ZBED5: variants seen among roughly 807,000 people sequenced by gnomAD.
ZBED5 encodes zinc finger BED domain-containing protein 5.
In ZBED5, 29 loss-of-function variants were observed where a neutral mutation model predicts 49.2. That is an observed-to-expected ratio of 0.59 (90% CI 0.44 to 0.80). The LOEUF (loss-of-function observed/expected upper bound fraction) is 0.80, where lower values mean the gene tolerates loss of function less well. Among genes scored for constraint, ZBED5 ranks in the 30% least tolerant of loss-of-function variants. The pLI is 0.00. For missense variants in ZBED5, 775 were observed against 812.9 expected, an observed-to-expected ratio of 0.95 and a Z score of 0.57; for synonymous variants, 281 against 292.5, an observed-to-expected ratio of 0.96 and a Z score of 0.40.
Position 10,854,163 on chromosome 11 carries a change from T to C in ZBED5, c.783A>G (p.Glu261=), listed in dbSNP as rs1184446887. 5 of 1,550,998 alleles carry C rather than the reference T, an allele frequency of 3.2e-6. No homozygotes were observed. Among genetic ancestry groups the C allele is most frequent in the Non-Finnish European group, 4.4e-6 (5 of 1,146,598 alleles). The stretch of plus-strand genomic sequence containing the variant: ...AAATTTTCAGTCTACAAACAAGCTC[T>C]TCTTCAATGTCAGCAGCTAGATCCT... ...RIKDLAADIE[E]ELVCRLKICD... Residue 261 remains glutamate (E), a synonymous_variant, in exon 3 of 3, where the codon GAA becomes GAG. Transcript: ENST00000413761. This position sits in a 1 kb window ranked among gnomAD's most constrained non-coding sequence, Gnocchi z 5.0.
rs568823201 is a variant in ZBED5, at chr11:10,854,739, T to C, written c.207A>G (p.Gln69=). ...AAGGTTGCAACTGCTTATCTTCACT[T>C]TGTAATATTCCAACCTTCTGATCAT... The part of the protein sequence containing the change: ...ESNDQKVGIL[Q]SEDKQLQPSV... The change falls in exon 3 of 3, where the codon CAA becomes CAG. Residue 69 remains glutamine (Q), a synonymous_variant. Transcript: ENST00000413761. This position sits in a 1 kb window ranked among gnomAD's most constrained non-coding sequence, Gnocchi z 5.0. The C allele has an allele frequency of 1.9e-6, 3 of 1,551,816 alleles. No individual in the cohort carries two copies. The highest frequency in any genetic ancestry group is 4.9e-5 in the East Asian group (2 of 40,900).
At position 10,853,800 on chromosome 11, in the gene ZBED5, T is replaced by C; in HGVS notation, c.1146A>G (p.Lys382=). ...CATTTTTTAGAGATGTAGGCATTAT[T>C]TTAACTGCCAGTGCATGTCTGTATA... The part of the protein sequence containing the change: ...CLLYRHALAV[K]IMPTSLKNVL... The change falls in exon 3 of 3, where the codon AAA becomes AAG. Residue 382 remains lysine, a synonymous_variant. Coordinates refer to ENST00000413761, the MANE Select transcript of ZBED5 (RefSeq NM_001143667.2). The surrounding 1 kb of genome is among the most constrained non-coding windows in gnomAD (Gnocchi z 5.4). 6.4e-7 allele frequency: 1 copy of C among 1,551,634 alleles called. No homozygotes were observed. Among genetic ancestry groups the C allele is most frequent in the Non-Finnish European group, 8.7e-7 (1 of 1,146,946 alleles).
At position 10,854,414 on chromosome 11, in the gene ZBED5, T is replaced by TTTA. The variant is rs1848151667; in HGVS notation, c.531_532insTAA (p.Asn177_Asn178insTer). ...ACAATTTTAGGTGTTGGGGGTTTAT[T>TTTA]ATTTTCAGGTGAATCGAGATGTTGC... On this transcript the variant is annotated stop_gained and inframe_insertion, in exon 3 of 3. Transcript: ENST00000413761. LOFTEE classifies it high-confidence loss of function. The surrounding 1 kb of genome is among the most constrained non-coding windows in gnomAD (Gnocchi z 5.0). The TTTA allele has an allele frequency of 6.4e-7, 1 of 1,551,370 alleles. No homozygotes were observed. Among genetic ancestry groups the TTTA allele is most frequent in the Non-Finnish European group, 8.7e-7 (1 of 1,146,914 alleles).
chr11:10,853,610 CAA>C lies in ZBED5; in HGVS notation c.1334_1335del (p.Phe445Ter). 4 of 1,551,312 alleles carry C rather than the reference CAA, an allele frequency of 2.6e-6. No individual in the cohort carries two copies. The highest frequency in any genetic ancestry group is 3.5e-6 in the Non-Finnish European group (4 of 1,146,860). On this transcript the variant is annotated frameshift_variant, in exon 3 of 3. Transcript: ENST00000413761. LOFTEE classifies it high-confidence loss of function. This position sits in a 1 kb window ranked among gnomAD's most constrained non-coding sequence, Gnocchi z 5.4. ...AAAACCAAAAGTTCACGACGAAGTT[CAA>C]AAAGTCTTACAAGAACTTTACCTCG... ...LSRGKVLVRLFELRRELLVFM... is the reference protein window; with the variant it reads ...LSRGKVLVRLXELRRELLVFM...
In ZBED5 at chr11:10,853,554, ACAAT is replaced by A. The variant is rs776744545; in HGVS notation, c.1388_1391del (p.Asp463ValfsTer2). 7.7e-6 allele frequency: 12 copies of A among 1,548,998 alleles called. No homozygotes were observed. Among genetic ancestry groups the A allele is most frequent in the South Asian group, 2.4e-5 (2 of 83,784 alleles). On this transcript the variant is annotated frameshift_variant, in exon 3 of 3. Coordinates refer to ENST00000413761, the MANE Select transcript of ZBED5 (RefSeq NM_001143667.2). LOFTEE classifies it high-confidence loss of function. The surrounding 1 kb of genome is among the most constrained non-coding windows in gnomAD (Gnocchi z 5.4). ...TTAGCAGCCAAGATGAATTTGTTAA[ACAAT>A]CAGATAGTCGAAAAGCAGAATCCAT...
In ZBED5 at chr11:10,854,740, T is replaced by C. The variant is rs537706115; in HGVS notation, c.206A>G (p.Gln69Arg). 5.2e-6 allele frequency: 8 copies of C among 1,551,820 alleles called. No homozygotes were observed. The highest frequency in any genetic ancestry group is 5.2e-6 in the Non-Finnish European group (6 of 1,146,972). Residue 69 changes from glutamine to arginine, a missense_variant, in exon 3 of 3, where the codon CAA becomes CGA. By Grantham distance (43) the Gln-to-Arg change is conservative. Coordinates refer to ENST00000413761, the MANE Select transcript of ZBED5 (RefSeq NM_001143667.2). This position sits in a 1 kb window ranked among gnomAD's most constrained non-coding sequence, Gnocchi z 5.0. ...ESNDQKVGIL[Q>R]SEDKQLQPSV... ...AGGTTGCAACTGCTTATCTTCACTTTGTAATATTCCAACCTTCTGATCATT... is the reference window on the plus strand; with the variant it reads ...AGGTTGCAACTGCTTATCTTCACTTCGTAATATTCCAACCTTCTGATCATT...
At position 10,857,701 on chromosome 11, in the gene ZBED5, T is replaced by C. The variant is rs967408282; in HGVS notation, c.-256+161A>G. 6.6e-6 allele frequency: 1 copy of C among 152,320 alleles called. No homozygotes were observed. The highest frequency in any genetic ancestry group is 2.4e-5 in the African/African-American group (1 of 41,454). 9.4% of individuals were successfully genotyped at this position (152,320 alleles called of 1,614,324 possible). On this transcript the variant is annotated intron_variant, in intron 1 of 2. Transcript: ENST00000413761. This position sits in a 1 kb window ranked among gnomAD's most constrained non-coding sequence, Gnocchi z 6.3. ...TCAGCACCCAACACCATCTCTCTAT[T>C]TCATCTCCATCAGCGATGGAGAGAA...
chr11:10,853,505 A>G lies in ZBED5; in HGVS notation c.1441T>C (p.Phe481Leu), dbSNP rs1848130635. 6.4e-7 allele frequency: 1 copy of G among 1,550,928 alleles called. No individual in the cohort carries two copies. The highest frequency in any genetic ancestry group is 2.4e-5 in the East Asian group (1 of 40,916). The change falls in exon 3 of 3, where the codon TTT becomes CTT. Residue 481 changes from phenylalanine (F) to leucine (L), a missense_variant. Coordinates refer to ENST00000413761, the MANE Select transcript of ZBED5 (RefSeq NM_001143667.2). This position sits in a 1 kb window ranked among gnomAD's most constrained non-coding sequence, Gnocchi z 5.4. ...LLRLAYLADIFTKLNEVNLSM... is the reference protein window; with the variant it reads ...LLRLAYLADILTKLNEVNLSM... Reference sequence around the variant, plus strand: ...AAATTAACTTCATTTAATTTAGTAAAAATATCTGCAAGATATGCAAGTCTT... The same window carrying G: ...AAATTAACTTCATTTAATTTAGTAAGAATATCTGCAAGATATGCAAGTCTT...
At position 10,853,458 on chromosome 11, in the gene ZBED5, C is replaced by A; in HGVS notation, c.1488G>T (p.Val496=). ...EVNLSMQGKN[V]TVFTVFDKMS... ...TTTTATCAAATACTGTAAAAACGGTCACATTTTTTCCTTGCATTGACAAAT... is the reference window on the plus strand; with the variant it reads ...TTTTATCAAATACTGTAAAAACGGTAACATTTTTTCCTTGCATTGACAAAT... Residue 496 remains valine, a synonymous_variant, in exon 3 of 3, where the codon GTG becomes GTT. Transcript: ENST00000413761. This position sits in a 1 kb window ranked among gnomAD's most constrained non-coding sequence, Gnocchi z 5.4. 1.3e-6 allele frequency: 2 copies of A among 1,550,538 alleles called. No homozygotes were observed. Among genetic ancestry groups the A allele is most frequent in the South Asian group, 2.4e-5 (2 of 83,798 alleles).
chr11:10,853,110 T>G lies in ZBED5; in HGVS notation c.1836A>C (p.Ser612=). Reference sequence around the variant, plus strand: ...TTAGGCTACTCCAAAAATCATTTAGTGAAAGTTCACTAAAATTTTGCTTCA... The same window carrying G: ...TTAGGCTACTCCAAAAATCATTTAGGGAAAGTTCACTAAAATTTTGCTTCA... ...SQVKQNFSEL[S]LNDFWSSLIQ... Residue 612 remains serine, a synonymous_variant, in exon 3 of 3, where the codon TCA becomes TCC. Transcript: ENST00000413761. The surrounding 1 kb of genome is among the most constrained non-coding windows in gnomAD (Gnocchi z 5.4). 18 of 1,551,666 alleles carry G rather than the reference T, an allele frequency of 1.2e-5. No homozygotes were observed. The highest frequency in any genetic ancestry group is 1.5e-5 in the Non-Finnish European group (17 of 1,146,956).
chr11:10,854,473 G>C lies in ZBED5; in HGVS notation c.473C>G (p.Ala158Gly). 1 of 1,551,380 alleles carries C rather than the reference G, an allele frequency of 6.4e-7. No homozygotes were observed. Among genetic ancestry groups the C allele is most frequent in the Non-Finnish European group, 8.7e-7 (1 of 1,146,896 alleles). The change falls in exon 3 of 3, where the codon GCT (alanine) becomes GGT (glycine). Residue 158 changes from alanine to glycine, a missense_variant. Coordinates refer to ENST00000413761, the MANE Select transcript of ZBED5 (RefSeq NM_001143667.2). The surrounding 1 kb of genome is among the most constrained non-coding windows in gnomAD (Gnocchi z 5.0). ...KLRRHLETKH[A>G]AYKDKDISFF... ...GCTTATGTCTTTGTCTTTATATGCA[G>C]CATGTTTAGTTTCCAAATGTCTTCG...
rs1478094674 is a variant in ZBED5 at position 10,852,776 on chromosome 11, A to T, written c.*88T>A. The T allele has an allele frequency of 7.1e-7, 1 of 1,410,130 alleles. No homozygotes were observed. The highest frequency in any genetic ancestry group is 9.3e-7 in the Non-Finnish European group (1 of 1,079,702). The allele number at this position is 1,410,130 out of a possible 1,614,324, so 87.4% of individuals were successfully genotyped here. A position where few individuals can be genotyped will look rare whatever the true frequency, so the allele number is the denominator to read the frequency against. On this transcript the variant is annotated 3_prime_UTR_variant, in exon 3 of 3. Coordinates refer to ENST00000413761, the MANE Select transcript of ZBED5 (RefSeq NM_001143667.2). ...ATAAAAAAATGGAATCATTTTATTTAAATCCCCCAAATACCAGAGATGAAG... is the reference window on the plus strand; with the variant it reads ...ATAAAAAAATGGAATCATTTTATTTTAATCCCCCAAATACCAGAGATGAAG...
At position 10,853,849 on chromosome 11, in the gene ZBED5, T is replaced by C; in HGVS notation, c.1097A>G (p.Glu366Gly). 1.3e-6 allele frequency: 2 copies of C among 1,551,676 alleles called. No homozygotes were observed. The highest frequency in any genetic ancestry group is 2.0e-5 in the Admixed American group (1 of 51,006). Reference sequence around the variant, plus strand: ...TAATAGGCAGTGACTACTGGTGCTTTCGGGAGCCACATATTTTATTAAGGT... The same window carrying C: ...TAATAGGCAGTGACTACTGGTGCTTCCGGGAGCCACATATTTTATTAAGGT... ...AVTLIKYVAPESTSSHCLLYR... is the reference protein window; with the variant it reads ...AVTLIKYVAPGSTSSHCLLYR... Residue 366 changes from glutamate (E) to glycine (G), a missense_variant, in exon 3 of 3, where the codon GAA (glutamate) becomes GGA (glycine). Physicochemically the swap from Glu to Gly is moderately conservative, Grantham distance 98. Transcript: ENST00000413761. The surrounding 1 kb of genome is among the most constrained non-coding windows in gnomAD (Gnocchi z 5.4).
In ZBED5 at chr11:10,852,729, G is replaced by T; in HGVS notation, c.*135C>A. ...TATGTTTAAAACGTTTGATTCTTTAGCCTTCTTAAAATCTAAATAGTATAA... is the reference window on the plus strand; with the variant it reads ...TATGTTTAAAACGTTTGATTCTTTATCCTTCTTAAAATCTAAATAGTATAA... On this transcript the variant is annotated 3_prime_UTR_variant, in exon 3 of 3. Coordinates refer to ENST00000413761, the MANE Select transcript of ZBED5 (RefSeq NM_001143667.2). The T allele has an allele frequency of 7.5e-7, 1 of 1,334,170 alleles. No homozygotes were observed. The highest frequency in any genetic ancestry group is 9.8e-7 in the Non-Finnish European group (1 of 1,018,936). 82.6% of individuals were successfully genotyped at this position (1,334,170 alleles called of 1,614,324 possible).
rs1217982018 is a variant in ZBED5, at chr11:10,855,321, G to A, written c.-141-235C>T. 6.6e-6 allele frequency among the ~76,000 whole-genome samples: 1 copy of A among 152,044 alleles called. No individual in the cohort carries two copies. The highest frequency in any genetic ancestry group is 2.4e-5 in the African/African-American group (1 of 41,408). ...TTGTTATACATATTTTTAAGAAAGGGACCCTGAAGAATATGTCCCATGGCA... is the reference window on the plus strand; with the variant it reads ...TTGTTATACATATTTTTAAGAAAGGAACCCTGAAGAATATGTCCCATGGCA... On this transcript the variant is annotated intron_variant, in intron 2 of 2. Coordinates refer to ENST00000413761, the MANE Select transcript of ZBED5 (RefSeq NM_001143667.2). This position sits in a 1 kb window ranked among gnomAD's most constrained non-coding sequence, Gnocchi z 4.1.
rs1848191176 is a variant in ZBED5 at position 10,857,027 on chromosome 11, C to T, written c.-255-770G>A. ...CTGCCAGAAAGTCGAGGGTCTCATACTAGCAACAGCATAAAGCCCTGCTTC... is the reference window on the plus strand; with the variant it reads ...CTGCCAGAAAGTCGAGGGTCTCATATTAGCAACAGCATAAAGCCCTGCTTC... On this transcript the variant is annotated intron_variant, in intron 1 of 2. Coordinates refer to ENST00000413761, the MANE Select transcript of ZBED5 (RefSeq NM_001143667.2). The surrounding 1 kb of genome is among the most constrained non-coding windows in gnomAD (Gnocchi z 6.3). Among the ~76,000 whole-genome samples, 1 of 152,206 alleles carries T rather than the reference C, an allele frequency of 6.6e-6. No homozygotes were observed. The highest frequency in any genetic ancestry group is 2.4e-5 in the African/African-American group (1 of 41,450).
chr11:10,852,962 G>C lies in ZBED5; in HGVS notation c.1984C>G (p.Leu662Val). 1 of 1,551,606 alleles carries C rather than the reference G, an allele frequency of 6.4e-7. No individual in the cohort carries two copies. Among genetic ancestry groups the C allele is most frequent in the Non-Finnish European group, 8.7e-7 (1 of 1,146,950 alleles). ...ATTCGCATATGAGGTGCAGCATCAA[G>C]TCTTTTCCTATATTTTGTTTTTGTT... ...AATKTKYRKR[L>V]DAAPHMRIRL... The change falls in exon 3 of 3, where the codon CTT (leucine) becomes GTT (valine). Residue 662 changes from leucine (L) to valine (V), a missense_variant. Transcript: ENST00000413761.
chr11:10,854,606 A>T lies in ZBED5; in HGVS notation c.340T>A (p.Tyr114Asn). The T allele has an allele frequency of 6.4e-7, 1 of 1,551,062 alleles. No homozygotes were observed. Among genetic ancestry groups the T allele is most frequent in the South Asian group, 1.2e-5 (1 of 84,020 alleles). Reference sequence around the variant, plus strand: ...AAGTAAGTAAATCCAAAAGACAAATAACTTTCATCATATTTTCTTCTTTTT... The same window carrying T: ...AAGTAAGTAAATCCAAAAGACAAATTACTTTCATCATATTTTCTTCTTTTT... ...KPKRRKYDES[Y>N]LSFGFTYFGN... Residue 114 changes from tyrosine (Y) to asparagine (N), a missense_variant, in exon 3 of 3, where the codon TAT becomes AAT. Physicochemically the swap from Tyr to Asn is moderately radical, Grantham distance 143 (BLOSUM62 -2). Coordinates refer to ENST00000413761, the MANE Select transcript of ZBED5 (RefSeq NM_001143667.2). This position sits in a 1 kb window ranked among gnomAD's most constrained non-coding sequence, Gnocchi z 5.0.
In ZBED5 at chr11:10,857,513, C is replaced by G. The variant is rs1848199640; in HGVS notation, c.-256+349G>C. ...TTTTTTAAACGGTCACCTGGATGTG[C>G]AGCCAGGGCCAACTATCCCTCAGCT... On this transcript the variant is annotated intron_variant, in intron 1 of 2. Transcript: ENST00000413761. The surrounding 1 kb of genome is among the most constrained non-coding windows in gnomAD (Gnocchi z 6.3). 1 of 152,396 alleles carries G rather than the reference C, an allele frequency of 6.6e-6. No homozygotes were observed. 9.4% of individuals were successfully genotyped at this position (152,396 alleles called of 1,614,324 possible). A position where few individuals can be genotyped will look rare whatever the true frequency, so the allele number is the denominator to read the frequency against.
Sources: gnomAD v4.1 joint callset for allele counts (sites outside exome capture counted in the v4.1 genomes callset) on GRCh38, gnomAD v4.1.1 for gene constraint, Gnocchi (gnomAD v3.1) non-coding constraint, MANE v1.5 for transcripts, NCBI Gene and HGNC (gene_info 2026-07-23, HGNC 2026-07-21) for gene names.